TEX12: variants seen among roughly 807,000 people sequenced by gnomAD.
TEX12 encodes the protein testis expressed 12, also known as testis-expressed protein 12.
TEX12 carries 7 observed loss-of-function variants against 14.6 expected under a neutral mutation model. The ratio of observed to expected loss-of-function variants is 0.48; its 90% CI spans 0.27 to 0.90. The LOEUF (loss-of-function observed/expected upper bound fraction) is 0.90. Among genes scored for constraint, TEX12 ranks in the 40% least tolerant of loss-of-function variants. The pLI, the probability that TEX12 is intolerant of heterozygous loss-of-function variation, is 0.12. For missense variants in TEX12, 121 were observed against 135.7 expected, an observed-to-expected ratio of 0.89 and a Z score of 0.54; for synonymous variants, 57 against 49.1, an observed-to-expected ratio of 1.16 and a Z score of -0.67.
At chr11:112,168,621 G>C (rs1403518565) in intron 1 of TEX12, among the ~76,000 whole-genome samples, 1 of 151,522 alleles carries the variant, frequency 6.6e-6, no homozygotes, top group Non-Finnish European at 1.5e-5. Context: ...GCACAATCTC[G>C]GCTCACTGCA....
chr11:112,169,195 C>T (rs1866761817), intron 1 of TEX12, 58 bp from the exon 2 acceptor site: 1 of 1,160,674 alleles, frequency 8.6e-7, no homozygotes, highest in Non-Finnish European at 1.3e-6. Context: ...GGAAGGATTC[C>T]AGAGAGCTTG....
chr11:112,170,430 A>T lies in TEX12; in HGVS notation c.75A>T (p.Pro25=). The part of the protein sequence containing the change: ...KRPRELESPV[P]DSPQLSSLGK... Reference sequence around the variant, plus strand: ...TTTTGTCCTGTTAGTCTCCAGTGCCAGATAGTCCACAGCTGTCCTCTCTTG... The same window carrying T: ...TTTTGTCCTGTTAGTCTCCAGTGCCTGATAGTCCACAGCTGTCCTCTCTTG... Residue 25 remains proline, a synonymous_variant, in exon 3 of 5, where the codon CCA becomes CCT. Coordinates refer to ENST00000280358, the MANE Select transcript of TEX12 (RefSeq NM_031275.4). 6.2e-7 allele frequency: 1 copy of T among 1,610,478 alleles called. No individual in the cohort carries two copies. The highest frequency in any genetic ancestry group is 8.5e-7 in the Non-Finnish European group (1 of 1,177,840).
At chr11:112,170,815 A>G in intron 4 of TEX12, 141 bp downstream of exon 4, 1 of 610,396 alleles carries the variant, frequency 1.6e-6, no homozygotes, top group Admixed American at 3.2e-5. Flanking sequence ...TCAGTCCCTT[A>G]TAATAGATTA....
In TEX12 at chr11:112,169,321, G is replaced by A. The variant is rs1866763815; in HGVS notation, c.53G>A (p.Arg18Lys). The A allele has an allele frequency of 6.2e-7, 1 of 1,612,668 alleles. No homozygotes were observed. The highest frequency in any genetic ancestry group is 8.5e-7 in the Non-Finnish European group (1 of 1,178,784). Residue 18 changes from arginine (R) to lysine (K), a missense_variant, in exon 2 of 5, where the codon AGA becomes AAA. Coordinates refer to ENST00000280358, the MANE Select transcript of TEX12 (RefSeq NM_031275.4). ...KPDNRNCKRP[R>K]ELESPVPDSP... ...GATAATAGAAATTGCAAGAGGCCAA[G>A]AGAATTGGAGGTAAGCTGTATGCCT...
intron 1 of TEX12, among the ~76,000 whole-genome samples, chr11:112,167,761 G>C (rs1866744384): frequency 6.6e-6 from 1 of 152,140 alleles, no homozygotes; most frequent in Non-Finnish European, 1.5e-5. Flanking sequence ...CCGTCCACCA[G>C]GCCTGGATCT....
intron 4 of TEX12, among the ~76,000 whole-genome samples, chr11:112,171,426 A>G (rs1253293878): frequency 6.6e-6 from 1 of 152,036 alleles, no homozygotes; most frequent in Non-Finnish European, 1.5e-5. Flanking sequence ...CCAAATTTAA[A>G]TACTTTATTA....
rs576184446 is a variant in TEX12, at chr11:112,172,139, C to T, written c.*223C>T. The T allele has an allele frequency of 2.4e-4, 62 of 254,572 alleles. No individual in the cohort carries two copies. The highest frequency in any genetic ancestry group is 6.0e-4 in the Admixed American group (11 of 18,422). 15.8% of individuals were successfully genotyped at this position (254,572 alleles called of 1,614,324 possible). ...CTAAGCTGGCCATTAACATGAACTA[C>T]GTCACTTTTCTTTTGAGGGTCAAAT... On this transcript the variant is annotated 3_prime_UTR_variant, in exon 5 of 5. Coordinates refer to ENST00000280358, the MANE Select transcript of TEX12 (RefSeq NM_031275.4).
intron 2 of TEX12, among the ~76,000 whole-genome samples, chr11:112,169,951 G>A (rs545465021): frequency 2.2e-4 from 33 of 152,276 alleles, no homozygotes; most frequent in Non-Finnish European, 4.6e-4. Context: ...CAGGAGTATC[G>A]TTTGAGGCTA....
chr11:112,168,675 C>A (rs919275064), intron 1 of TEX12, among the ~76,000 whole-genome samples: 1 of 152,070 alleles, frequency 6.6e-6, no homozygotes, highest in Non-Finnish European at 1.5e-5. Flanking sequence ...CCTCAGCTTC[C>A]CAAGTAGCTG....
intron 2 of TEX12, among the ~76,000 whole-genome samples, chr11:112,170,064 T>A (rs1045703974): frequency 1.3e-5 from 2 of 152,090 alleles, no homozygotes; most frequent in Admixed American, 1.3e-4. Context: ...CCTGTAGTCC[T>A]AGCTACTCAG....
chr11:112,167,959 A>G (rs565727408), intron 1 of TEX12, among the ~76,000 whole-genome samples: 1 of 152,258 alleles, frequency 6.6e-6, no homozygotes, highest in African/African-American at 2.4e-5. Flanking sequence ...TCTCTGAAGT[A>G]TTTTCCAACT....
chr11:112,169,004 G>A (rs1439077999), intron 1 of TEX12, among the ~76,000 whole-genome samples: 2 of 152,190 alleles, frequency 1.3e-5, no homozygotes, highest in African/African-American at 4.8e-5. Flanking sequence ...CCATATCATG[G>A]AATTTCAACT....
In TEX12 at chr11:112,170,484, T is replaced by G. The variant is rs1461252998; in HGVS notation, c.129T>G (p.Ile43Met). ...LGKSDSSFSEISGLFYKDEAL... is the reference protein window; with the variant it reads ...LGKSDSSFSEMSGLFYKDEAL... ...AATCAGATTCATCTTTCTCTGAAAT[T>G]TCCGGACTATTTTATAAAGATGAAG... The change falls in exon 3 of 5, where the codon ATT (isoleucine) becomes ATG (methionine). Residue 43 changes from isoleucine (I) to methionine (M), a missense_variant. By Grantham distance (10) the Ile-to-Met change is conservative. Coordinates refer to ENST00000280358, the MANE Select transcript of TEX12 (RefSeq NM_031275.4). 6.2e-7 allele frequency: 1 copy of G among 1,613,736 alleles called. No homozygotes were observed.
At chr11:112,168,172 C>G (rs1866748742) in intron 1 of TEX12, among the ~76,000 whole-genome samples, 1 of 152,184 alleles carries the variant, frequency 6.6e-6, no homozygotes, top group African/African-American at 2.4e-5. Flanking sequence ...ACTAATCAAA[C>G]AGATGTGTTA....
At chr11:112,168,772 G>C (rs45542134) in intron 1 of TEX12, among the ~76,000 whole-genome samples, 16,320 of 152,038 alleles carry the variant, frequency 0.11, 1,270 homozygotes, top group East Asian at 0.39. Flanking sequence ...GGCTGGTCTC[G>C]AACTCCCGAC....
chr11:112,171,021 A>G (rs554422939), intron 4 of TEX12, among the ~76,000 whole-genome samples: 1 of 152,090 alleles, frequency 6.6e-6, no homozygotes, highest in African/African-American at 2.4e-5. Flanking sequence ...AAAGATAAAT[A>G]TTTATGTCAT....
Position 112,170,479 on chromosome 11 carries a change from G to A in TEX12, c.124G>A (p.Glu42Lys), listed in dbSNP as rs1045208243. ...SLGKSDSSFS[E>K]ISGLFYKDEA... is the part of the protein sequence containing the mutation. ...TGGAAAATCAGATTCATCTTTCTCT[G>A]AAATTTCCGGACTATTTTATAAAGA... Residue 42 changes from glutamate (E) to lysine (K), a missense_variant, in exon 3 of 5, where the codon GAA (glutamate) becomes AAA (lysine). Physicochemically the swap from Glu to Lys is moderately conservative, Grantham distance 56. Transcript: ENST00000280358. The A allele has an allele frequency of 6.2e-7, 1 of 1,613,654 alleles. No homozygotes were observed. The highest frequency in any genetic ancestry group is 1.1e-5 in the South Asian group (1 of 91,058).
At chr11:112,168,022 T>G (rs548344965) in intron 1 of TEX12, among the ~76,000 whole-genome samples, 1 of 152,312 alleles carries the variant, frequency 6.6e-6, no homozygotes, top group African/African-American at 2.4e-5. Flanking sequence ...TAGATACTAT[T>G]AATACTATTA....
chr11:112,169,227 A>G, intron 1 of TEX12, 26 bp from the exon 2 acceptor site: 2 of 1,525,522 alleles, frequency 1.3e-6, no homozygotes, highest in South Asian at 2.2e-5. Flanking sequence ...TTGTACCTAA[A>G]TCTGGCATTG....
Sources: gnomAD v4.1 joint callset for allele counts (sites outside exome capture counted in the v4.1 genomes callset) on GRCh38, gnomAD v4.1.1 for gene constraint, MANE v1.5 for transcripts, NCBI Gene and HGNC (gene_info 2026-07-23, HGNC 2026-07-21) for gene names.